Variants in GFRA1 observed in about 807,000 individuals in gnomAD.
The protein encoded by GFRA1 is GDNF family receptor alpha 1.
A neutral mutation model predicts 51.6 loss-of-function variants in GFRA1; 16 were observed. That is an observed-to-expected ratio of 0.31 (90% confidence interval 0.21 to 0.47). The LOEUF is 0.47. GFRA1 is among the 20% of genes least tolerant of loss of function. The probability of loss-of-function intolerance (pLI) is 1.00; values close to 1 mark genes in which losing one functional copy is unlikely to be tolerated. For missense variants in GFRA1, 530 were observed against 594.3 expected, an observed-to-expected ratio of 0.89 and a Z score of 1.13; for synonymous variants, 270 against 241.3, an observed-to-expected ratio of 1.12 and a Z score of -1.10.
At chr10:116,065,474 C>A in intron 10 of GFRA1, 99 bp downstream of exon 10, 1 of 948,678 alleles carries the variant, frequency 1.1e-6, no homozygotes, top group Non-Finnish European at 1.7e-6. Context: ...GGACTGGATA[C>A]CTTCTTGTCT....
rs143193414 is a variant in GFRA1, at chr10:116,161,722, C to A, written c.434-36165G>T. On this transcript the variant is annotated intron_variant, in intron 5 of 10. Coordinates refer to ENST00000355422, the MANE Select transcript of GFRA1 (RefSeq NM_005264.8). ...CATGGAAGACGTCCCTTTGTTCTTC[C>A]TTCATCTGCCATGATTGTGAGGCTC... is the stretch of plus-strand genomic sequence containing the variant. 2.5e-3 allele frequency among the ~76,000 whole-genome samples: 388 copies of A among 152,312 alleles called. 1 individual carries two copies. The highest frequency in any genetic ancestry group is 3.9e-3 in the Admixed American group (59 of 15,292).
At chr10:116,173,538 A>C (rs570491548) in intron 5 of GFRA1, among the ~76,000 whole-genome samples, 1 of 152,300 alleles carries the variant, frequency 6.6e-6, no homozygotes, top group South Asian at 2.1e-4. Flanking sequence ...ATATATGATG[A>C]AGAGTATACC....
Position 116,065,618 on chromosome 10 carries a change from C to G in GFRA1, c.1206G>C (p.Lys402Asn), listed in dbSNP as rs79252560. 3.7e-6 allele frequency: 6 copies of G among 1,613,016 alleles called. No homozygotes were observed. Among genetic ancestry groups the G allele is most frequent in the Non-Finnish European group, 5.1e-6 (6 of 1,179,354 alleles). Residue 402 changes from lysine (K) to asparagine (N), a missense_variant, in exon 10 of 11, where the codon AAG (lysine) becomes AAC (asparagine). Lys to Asn is a moderately conservative substitution (Grantham distance 94). Coordinates refer to ENST00000355422, the MANE Select transcript of GFRA1 (RefSeq NM_005264.8). ...LPPCANLQAQ[K>N]LKSNVSGNTH... is the part of the protein sequence containing the mutation. ...TATTGCCCGACACATTGGATTTCAGCTTCTGTGCCTGGAGAGGGACAAGAA... is the reference window on the plus strand; with the variant it reads ...TATTGCCCGACACATTGGATTTCAGGTTCTGTGCCTGGAGAGGGACAAGAA...
At chr10:116,073,712 G>A (rs1322099727) in intron 9 of GFRA1, among the ~76,000 whole-genome samples, 1 of 152,158 alleles carries the variant, frequency 6.6e-6, no homozygotes. Flanking sequence ...CTGATGAGAA[G>A]TGCATGAAGC....
chr10:116,128,683 G>A lies in GFRA1; in HGVS notation c.434-3126C>T, dbSNP rs575225081. On this transcript the variant is annotated intron_variant, in intron 5 of 10. Coordinates refer to ENST00000355422, the MANE Select transcript of GFRA1 (RefSeq NM_005264.8). ...AGAGCTTGCAGTGAGCCAAGACTGC[G>A]CCACTGCACTCCAGCCTGGGGGACT... Among the ~76,000 whole-genome samples the A allele has an allele frequency of 1.2e-3, 164 of 133,808 alleles. 1 individual carries two copies. The South Asian group carries it at 0.018, about 15-fold the overall frequency. The allele number at this position is 133,808 out of a possible 152,430, so 87.8% of individuals were successfully genotyped here. A position where few individuals can be genotyped will look rare whatever the true frequency, so the allele number is the denominator to read the frequency against.
At chr10:116,065,749 C>A in intron 9 of GFRA1, 123 bp from the exon 10 acceptor site, 1 of 721,350 alleles carries the variant, frequency 1.4e-6, no homozygotes, top group East Asian at 2.7e-5. Flanking sequence ...CTGTGAGCTC[C>A]ATATATAATT....
chr10:116,197,867 G>A (rs774420658), intron 5 of GFRA1, among the ~76,000 whole-genome samples: 2 of 152,180 alleles, frequency 1.3e-5, no homozygotes, highest in African/African-American at 2.4e-5. Context: ...TGAGGCATGC[G>A]TGGGCTTGGA....
chr10:116,081,825 A>G (rs961329841), intron 9 of GFRA1, among the ~76,000 whole-genome samples: 1 of 152,208 alleles, frequency 6.6e-6, no homozygotes, highest in Non-Finnish European at 1.5e-5. Context: ...AAACTTTTTT[A>G]TGGTTTTAAT....
chr10:116,178,304 G>GT (rs902717469), intron 5 of GFRA1, among the ~76,000 whole-genome samples: 17 of 150,874 alleles, frequency 1.1e-4, no homozygotes, highest in Non-Finnish European at 1.9e-4. Flanking sequence ...GGGGCCGGGG[G>GT]GGCGTTTTAC....
At chr10:116,197,827 G>A (rs554302648) in intron 5 of GFRA1, among the ~76,000 whole-genome samples, 20 of 152,170 alleles carry the variant, frequency 1.3e-4, no homozygotes, top group Admixed American at 1.3e-4. Context: ...ATGAAGAGTG[G>A]CCAGCTACAG....
rs115468103 is a variant in GFRA1, at chr10:116,062,229, T to G, written c.*2169A>C. On this transcript the variant is annotated 3_prime_UTR_variant, in exon 11 of 11. Transcript: ENST00000355422. Reference sequence around the variant, plus strand: ...ACATAGAATCAGATCCCTATGAAATTAGTCCAGTGTAGATACACAGAGATA... The same window carrying G: ...ACATAGAATCAGATCCCTATGAAATGAGTCCAGTGTAGATACACAGAGATA... The G allele has an allele frequency of 2.5e-6, 1 of 398,110 alleles. No individual in the cohort carries two copies. Among genetic ancestry groups the G allele is most frequent in the Non-Finnish European group, 4.4e-6 (1 of 225,908 alleles). The allele number at this position is 398,110 out of a possible 1,614,324, so 24.7% of individuals were successfully genotyped here. A position where few individuals can be genotyped will look rare whatever the true frequency, so the allele number is the denominator to read the frequency against.
chr10:116,211,765 C>G, intron 4 of GFRA1, 120 bp from the exon 5 acceptor site: 1 of 791,624 alleles, frequency 1.3e-6, no homozygotes. Flanking sequence ...GCTAAGCACT[C>G]TATGCATATT....
intron 4 of GFRA1, among the ~76,000 whole-genome samples, chr10:116,256,504 G>A (rs1478753717): frequency 6.6e-6 from 1 of 152,178 alleles, no homozygotes; most frequent in African/African-American, 2.4e-5. Flanking sequence ...AACATAGCAT[G>A]GGTGCAGGGT....
intron 6 of GFRA1, 122 bp downstream of exon 6, chr10:116,125,099 G>A (rs144816351): frequency 2.3e-4 from 192 of 851,070 alleles, no homozygotes; most frequent in Non-Finnish European, 3.6e-4. Flanking sequence ...CATTCAAATG[G>A]ACTGGGCTCC....
rs746044607 is a variant in GFRA1, at chr10:116,064,237, C to CAAGAAGCTTTCTT, written c.*148_*160dup. 13 of 649,826 alleles carry CAAGAAGCTTTCTT rather than the reference C, an allele frequency of 2.0e-5. No homozygotes were observed. The highest frequency in any genetic ancestry group is 3.2e-5 in the Non-Finnish European group (12 of 375,570). 40.3% of individuals were successfully genotyped at this position (649,826 alleles called of 1,614,324 possible). A position where few individuals can be genotyped will look rare whatever the true frequency, so the allele number is the denominator to read the frequency against. ...TTTTCACAGAAGCCCCAAAGGATCACAAGAAGCTTTCTTAAAAGGAAAAAA... is the reference window on the plus strand; with the variant it reads ...TTTTCACAGAAGCCCCAAAGGATCACAAGAAGCTTTCTTAAGAAGCTTTCTTAAAAGGAAAAAA... On this transcript the variant is annotated 3_prime_UTR_variant, in exon 11 of 11. Transcript: ENST00000355422.
upstream of GFRA1, among the ~76,000 whole-genome samples, chr10:116,273,935 A>G (rs1270574633): frequency 6.6e-6 from 1 of 152,080 alleles, no homozygotes; most frequent in Non-Finnish European, 1.5e-5. Context: ...ACACGCACAC[A>G]TGCACACGCA....
intron 4 of GFRA1, among the ~76,000 whole-genome samples, chr10:116,238,186 T>C (rs560382400): frequency 1.3e-5 from 2 of 152,302 alleles, no homozygotes; most frequent in East Asian, 3.9e-4. Context: ...CACAGGCTCT[T>C]TTGTGCGCAG....
chr10:116,143,274 G>A (rs1958651268), intron 5 of GFRA1, among the ~76,000 whole-genome samples: 2 of 151,566 alleles, frequency 1.3e-5, no homozygotes. Flanking sequence ...CTGGGTTTTA[G>A]GATACTGGGC....
chr10:116,237,291 T>C (rs1483613060), intron 4 of GFRA1, among the ~76,000 whole-genome samples: 1 of 152,200 alleles, frequency 6.6e-6, no homozygotes, highest in African/African-American at 2.4e-5. Context: ...TTCAGCTCTC[T>C]GGTTGAACCA....
Sources: allele counts gnomAD v4.1 joint callset (sites outside exome capture counted in the v4.1 genomes callset), GRCh38; gene constraint gnomAD v4.1.1; transcripts MANE v1.5; gene names NCBI Gene and HGNC (gene_info 2026-07-23, HGNC 2026-07-21).